The following CEP83 variants were observed in gnomAD, a reference collection of about 807,000 sequenced individuals.
The protein encoded by CEP83 is centrosomal protein 83.
Under a neutral mutation model 101.9 loss-of-function variants are expected in CEP83, and 70 were observed. The observed-to-expected ratio is 0.69, with a 90% CI of 0.57 to 0.84. The LOEUF (loss-of-function observed/expected upper bound fraction) is 0.84. Ranked by LOEUF, CEP83 falls within the 40% of genes least tolerant of loss-of-function variation. CEP83 has a pLI of 0.00. For synonymous variants in CEP83, 264 were observed against 267.9 expected, an observed-to-expected ratio of 0.99 and a Z score of 0.14; for missense variants, 715 against 787.2, an observed-to-expected ratio of 0.91 and a Z score of 1.10.
At chr12:94,276,680 G>A in the CEP83 span, among the ~76,000 whole-genome samples, 1 of 152,198 alleles carries the variant, frequency 6.6e-6, no homozygotes, top group South Asian at 2.1e-4. Flanking sequence ...AACATTTCTA[G>A]AAAAGGGAGG....
the CEP83 span, among the ~76,000 whole-genome samples, chr12:94,296,132 T>A: frequency 6.6e-6 from 1 of 152,176 alleles, no homozygotes; most frequent in African/African-American, 2.4e-5. Flanking sequence ...CTACTCCCCA[T>A]TTTCCATTAG....
rs370815538 is a variant in CEP83 at position 94,383,104 on chromosome 12, A to G, written c.550-4062T>C. On this transcript the variant is annotated intron_variant, in intron 6 of 16. Coordinates refer to ENST00000397809, the MANE Select transcript of CEP83 (RefSeq NM_016122.3). Reference sequence around the variant, plus strand: ...CTGGGTTGACCTCTTTTGTCACTATATAATCTCTTTCTATATAAATCTGGT... The same window carrying G: ...CTGGGTTGACCTCTTTTGTCACTATGTAATCTCTTTCTATATAAATCTGGT... 3.9e-5 allele frequency among the ~76,000 whole-genome samples: 6 copies of G among 152,110 alleles called. No homozygotes were observed. In the East Asian group the frequency reaches 7.7e-4, roughly 20 times the overall value.
At chr12:94,304,152 C>A, downstream of CEP83, 1 of 754,976 alleles carries the variant, frequency 1.3e-6, no homozygotes, top group Non-Finnish European at 2.2e-6. Flanking sequence ...TCCCAAAAGG[C>A]CAGAAAGGGA....
intron 7 of CEP83, among the ~76,000 whole-genome samples, chr12:94,378,341 C>G (rs118143070): frequency 0.045 from 6,909 of 152,198 alleles, 216 homozygotes; most frequent in Non-Finnish European, 0.072. Flanking sequence ...GATTTTACTA[C>G]TCTGGCAAGA....
chr12:94,286,196 A>G, the CEP83 span, among the ~76,000 whole-genome samples: 10 of 152,222 alleles, frequency 6.6e-5, no homozygotes, highest in African/African-American at 2.2e-4. Context: ...GTGTTGCTGC[A>G]TGGTGGTAAT....
At chr12:94,455,022 C>A (rs1421849005) in intron 1 of CEP83, among the ~76,000 whole-genome samples, 3 of 152,042 alleles carry the variant, frequency 2.0e-5, no homozygotes, top group African/African-American at 7.3e-5. Flanking sequence ...TCTGAAGGAA[C>A]AAACTCCGGA....
intron 1 of CEP83, among the ~76,000 whole-genome samples, chr12:94,450,473 C>T (rs1166224350): frequency 1.3e-5 from 2 of 152,122 alleles, no homozygotes; most frequent in African/African-American, 4.8e-5. Flanking sequence ...AAGATGGTCT[C>T]GATCTCCTGA....
intron 8 of CEP83, among the ~76,000 whole-genome samples, chr12:94,371,376 G>C (rs1450574340): frequency 6.6e-6 from 1 of 152,168 alleles, no homozygotes; most frequent in Non-Finnish European, 1.5e-5. Flanking sequence ...GTGTCTGTGT[G>C]CGCATGTGCA....
At chr12:94,380,071 CA>C (rs11362391) in intron 6 of CEP83, among the ~76,000 whole-genome samples, 41,843 of 83,850 alleles carry the variant, frequency 0.5, 6,001 homozygotes, top group East Asian at 0.68. Flanking sequence ...CCCGGCCCTG[CA>C]AAAAAAAAAA....
At chr12:94,344,512 C>A (rs531399636) in intron 11 of CEP83, among the ~76,000 whole-genome samples, 2 of 152,072 alleles carry the variant, frequency 1.3e-5, no homozygotes, top group Non-Finnish European at 2.9e-5. Flanking sequence ...AGTAAAGTCA[C>A]AGGATTCAAG....
Position 94,412,318 on chromosome 12 carries a change from C to T in CEP83, c.173G>A (p.Arg58Lys). The T allele has an allele frequency of 6.3e-7, 1 of 1,589,114 alleles. No homozygotes were observed. ...CCACTTCTAGATTTAAGTAATTTAC[C>T]TTGTGTGTTCAGCCTTCAGTGTCTG... is the stretch of plus-strand genomic sequence containing the variant. ...NYQTLKAEHTRLQNEHVKLQN... is the reference protein window; with the variant it reads ...NYQTLKAEHTKLQNEHVKLQN... Residue 58 changes from arginine (R) to lysine (K), a missense_variant and splice_region_variant, in exon 3 of 17, where the codon AGG (arginine) becomes AAG (lysine). Transcript: ENST00000397809.
Position 94,375,887 on chromosome 12 carries a change from T to C in CEP83, c.932A>G (p.Lys311Arg). 2 of 1,455,008 alleles carry C rather than the reference T, an allele frequency of 1.4e-6. No individual in the cohort carries two copies. 90.1% of individuals were successfully genotyped at this position (1,455,008 alleles called of 1,614,324 possible). ...AAACAGAAACATAAAACAACTTACT[T>C]TACTGGACAATGTATTTATTTCTCG... Reference protein sequence around the residue: ...AEREINTLSSKVKELKHSNKL... With the variant: ...AEREINTLSSRVKELKHSNKL... Residue 311 changes from lysine (K) to arginine (R), a missense_variant and splice_region_variant, in exon 8 of 17, where the codon AAA becomes AGA. By Grantham distance (26) the Lys-to-Arg change is conservative. Coordinates refer to ENST00000397809, the MANE Select transcript of CEP83 (RefSeq NM_016122.3).
intron 11 of CEP83, among the ~76,000 whole-genome samples, chr12:94,339,398 C>T (rs2059586272): frequency 6.6e-6 from 1 of 152,150 alleles, no homozygotes; most frequent in African/African-American, 2.4e-5. Flanking sequence ...AAATATTCTA[C>T]AATCTGTGCC....
At chr12:94,328,509 T>C (rs2059068866) in intron 14 of CEP83, among the ~76,000 whole-genome samples, 1 of 152,236 alleles carries the variant, frequency 6.6e-6, no homozygotes, top group Non-Finnish European at 1.5e-5. Context: ...ACTGGGTTCA[T>C]AATTTGTGAC....
chr12:94,436,460 C>G (rs77237067), intron 1 of CEP83, among the ~76,000 whole-genome samples: 1 of 152,036 alleles, frequency 6.6e-6, no homozygotes, highest in Non-Finnish European at 1.5e-5. Context: ...AAAGTTCCAA[C>G]AACAGAACTG....
the CEP83 span, chr12:94,282,167 G>A: frequency 1.6e-5 from 10 of 642,768 alleles, no homozygotes; most frequent in South Asian, 1.8e-5. Context: ...CTACCAGTCT[G>A]GCTGATGCAT....
the CEP83 span, among the ~76,000 whole-genome samples, chr12:94,278,294 C>T: frequency 0.025 from 3,770 of 152,324 alleles, 157 homozygotes; most frequent in African/African-American, 0.086. Flanking sequence ...ATCTAAACTG[C>T]TATGTTATGC....
At chr12:94,342,652 A>G (rs1256574269) in intron 11 of CEP83, among the ~76,000 whole-genome samples, 1 of 152,196 alleles carries the variant, frequency 6.6e-6, no homozygotes, top group Non-Finnish European at 1.5e-5. Flanking sequence ...AGACCCAACT[A>G]AACGCTACAT....
At chr12:94,417,070 C>T (rs1025471205) in intron 2 of CEP83, among the ~76,000 whole-genome samples, 11 of 152,102 alleles carry the variant, frequency 7.2e-5, no homozygotes, top group African/African-American at 2.4e-4. Flanking sequence ...ATCCCAGCCA[C>T]TCAGAAAGTG....
Sources: allele counts gnomAD v4.1 joint callset (sites outside exome capture counted in the v4.1 genomes callset), GRCh38; gene constraint gnomAD v4.1.1; transcripts MANE v1.5; gene names NCBI Gene and HGNC (gene_info 2026-07-23, HGNC 2026-07-21).